SPOCK3: variants seen among roughly 807,000 people sequenced by gnomAD.
SPOCK3 encodes the protein SPARC (osteonectin), cwcv and kazal like domains proteoglycan 3, also known as testican-3.
Under a neutral mutation model 56.6 loss-of-function variants are expected in SPOCK3, and 30 were observed. That is an observed-to-expected ratio of 0.53 (90% CI 0.40 to 0.72). The LOEUF (loss-of-function observed/expected upper bound fraction) is 0.72, where lower values mean the gene tolerates loss of function less well. Among genes scored for constraint, SPOCK3 ranks in the 30% least tolerant of loss-of-function variants. SPOCK3 has a pLI of 0.00. For synonymous variants in SPOCK3, 196 were observed against 183.3 expected (o/e 1.07, Z -0.56); for missense variants, 527 against 530.0 (o/e 0.99, Z 0.06).
intron 3 of SPOCK3, among the ~76,000 whole-genome samples, chr4:167,008,868 C>T (rs1749727570): frequency 6.6e-6 from 1 of 151,968 alleles, no homozygotes. Flanking sequence ...AGGGGAAGGA[C>T]TGGAAAAACT....
At chr4:167,113,333 A>G (rs1163523994) in intron 2 of SPOCK3, among the ~76,000 whole-genome samples, 1 of 151,762 alleles carries the variant, frequency 6.6e-6, no homozygotes, top group East Asian at 1.9e-4. Flanking sequence ...ATACATTTAT[A>G]TGAGTATGCA....
At chr4:167,131,848 C>A (rs1283484242) in intron 2 of SPOCK3, among the ~76,000 whole-genome samples, 5 of 152,128 alleles carry the variant, frequency 3.3e-5, no homozygotes, top group Admixed American at 3.3e-4. Flanking sequence ...CAAACCAACC[C>A]ATGAAGTATA....
chr4:166,882,087 ATTAT>A (rs1312290264), intron 6 of SPOCK3, among the ~76,000 whole-genome samples: 1 of 152,148 alleles, frequency 6.6e-6, no homozygotes, highest in Non-Finnish European at 1.5e-5. Context: ...GCATATAATT[ATTAT>A]TTGTCTCCTT....
chr4:166,734,016 A>T lies in SPOCK3; in HGVS notation c.*905T>A, dbSNP rs1205824742. On this transcript the variant is annotated 3_prime_UTR_variant, in exon 11 of 11. Coordinates refer to ENST00000357545, the MANE Select transcript of SPOCK3 (RefSeq NM_001040159.2). Reference sequence around the variant, plus strand: ...AACATAATTCTAAGATTAAATGCAAACTTTTACCTAAAATGGGAAATAAAA... The same window carrying T: ...AACATAATTCTAAGATTAAATGCAATCTTTTACCTAAAATGGGAAATAAAA... 6.6e-6 allele frequency: 1 copy of T among 152,282 alleles called. No individual in the cohort carries two copies. The highest frequency in any genetic ancestry group is 6.6e-5 in the Admixed American group (1 of 15,214). 9.4% of individuals were successfully genotyped at this position (152,282 alleles called of 1,614,324 possible).
At chr4:167,223,005 T>C (rs1371418301) in intron 2 of SPOCK3, among the ~76,000 whole-genome samples, 1 of 126,008 alleles carries the variant, frequency 7.9e-6, no homozygotes, top group Non-Finnish European at 1.6e-5. Flanking sequence ...TATGAATATA[T>C]ATTTTATATA....
At chr4:167,051,838 T>C (rs1177177429) in intron 3 of SPOCK3, among the ~76,000 whole-genome samples, 1 of 152,244 alleles carries the variant, frequency 6.6e-6, no homozygotes, top group Non-Finnish European at 1.5e-5. Context: ...GCCATTGTCA[T>C]TTCACTTCCT....
At chr4:167,052,982 T>C (rs1038398280) in intron 3 of SPOCK3, among the ~76,000 whole-genome samples, 2 of 152,178 alleles carry the variant, frequency 1.3e-5, no homozygotes, top group African/African-American at 4.8e-5. Flanking sequence ...ACAGCTCTGT[T>C]CACTGAAGGG....
intron 7 of SPOCK3, among the ~76,000 whole-genome samples, chr4:166,775,787 A>G (rs1200831503): frequency 6.6e-6 from 1 of 152,202 alleles, no homozygotes; most frequent in East Asian, 1.9e-4. Context: ...AATAGTATGA[A>G]TTTAAGAATA....
intron 2 of SPOCK3, among the ~76,000 whole-genome samples, chr4:167,117,919 G>T (rs1761564630): frequency 6.6e-6 from 1 of 152,120 alleles, no homozygotes; most frequent in Non-Finnish European, 1.5e-5. Flanking sequence ...TACAAATTAG[G>T]ATGACTCTGA....
intron 4 of SPOCK3, among the ~76,000 whole-genome samples, chr4:166,952,856 G>A (rs1339080817): frequency 6.6e-6 from 1 of 151,890 alleles, no homozygotes; most frequent in Admixed American, 6.6e-5. Flanking sequence ...TTTAATAAAT[G>A]GTGCTGGGTA....
At chr4:167,205,361 T>A (rs1194658954) in intron 2 of SPOCK3, among the ~76,000 whole-genome samples, 12 of 33,330 alleles carry the variant, frequency 3.6e-4, no homozygotes, top group South Asian at 6.7e-4. Flanking sequence ...AATATATATA[T>A]TATATATTTT....
chr4:166,843,683 C>T (rs1255833956), intron 6 of SPOCK3, among the ~76,000 whole-genome samples: 1 of 152,164 alleles, frequency 6.6e-6, no homozygotes, highest in Non-Finnish European at 1.5e-5. Flanking sequence ...AGCAAAGGAT[C>T]CAGTTGGCTC....
At position 167,116,435 on chromosome 4, in the gene SPOCK3, AAT is replaced by A. The variant is rs1376974729; in HGVS notation, c.190-53900_190-53899del. 7.5e-5 allele frequency among the ~76,000 whole-genome samples: 11 copies of A among 145,808 alleles called. No homozygotes were observed. In the East Asian group the frequency reaches 2.2e-3, roughly 29 times the overall value. Reference sequence around the variant, plus strand: ...AAAGTATATATATATACACTTTTGTAATATATATATACACAAAAGTATATATA... The same window carrying A: ...AAAGTATATATATATACACTTTTGTAATATATATACACAAAAGTATATATA... On this transcript the variant is annotated intron_variant, in intron 2 of 10. Coordinates refer to ENST00000357545, the MANE Select transcript of SPOCK3 (RefSeq NM_001040159.2).
intron 2 of SPOCK3, among the ~76,000 whole-genome samples, chr4:167,228,934 T>G (rs1368573321): frequency 6.6e-6 from 1 of 152,118 alleles, no homozygotes; most frequent in African/African-American, 2.4e-5. Context: ...ATTCACAAGC[T>G]TTTAAGAACT....
chr4:166,917,149 AAAT>A (rs1294113001), intron 4 of SPOCK3, among the ~76,000 whole-genome samples: 1 of 152,136 alleles, frequency 6.6e-6, no homozygotes, highest in African/African-American at 2.4e-5. Context: ...TCTACAAATA[AAAT>A]AATATTTGCA....
intron 7 of SPOCK3, among the ~76,000 whole-genome samples, chr4:166,785,796 T>C (rs1740667846): frequency 6.6e-6 from 1 of 152,178 alleles, no homozygotes. Flanking sequence ...CTATGTTATG[T>C]AGCAAATATA....
At chr4:167,056,111 A>C (rs566470537) in intron 3 of SPOCK3, among the ~76,000 whole-genome samples, 4 of 152,312 alleles carry the variant, frequency 2.6e-5, no homozygotes, top group Admixed American at 2.6e-4. Context: ...CAAAACTTCC[A>C]GAGGAACGAT....
chr4:166,912,593 A>ATTT lies in SPOCK3; in HGVS notation c.474+26_474+27insAAA, dbSNP rs780614079. The ATTT allele has an allele frequency of 5.0e-6, 8 of 1,611,430 alleles. No homozygotes were observed. In the African/African-American group the frequency reaches 8.0e-5, roughly 16 times the overall value. On this transcript the variant is annotated intron_variant, in intron 5 of 10. Coordinates refer to ENST00000357545, the MANE Select transcript of SPOCK3 (RefSeq NM_001040159.2). The stretch of plus-strand genomic sequence containing the variant: ...CTAATAAGTATGCATCCCTTATTTC[A>ATTT]AACTAAACAACTGTAGGTGTCTTTA...
chr4:167,093,954 T>C, intron 2 of SPOCK3, among the ~76,000 whole-genome samples: 1 of 152,166 alleles, frequency 6.6e-6, no homozygotes, highest in Non-Finnish European at 1.5e-5. Context: ...TTACCTCATA[T>C]TATAGCATGC....
Sources: gnomAD v4.1 joint callset for allele counts (sites outside exome capture counted in the v4.1 genomes callset) on GRCh38, gnomAD v4.1.1 for gene constraint, MANE v1.5 for transcripts, NCBI Gene and HGNC (gene_info 2026-07-23, HGNC 2026-07-21) for gene names.